AKAP6: variants seen among roughly 807,000 people sequenced by gnomAD.
The protein encoded by AKAP6 is A-kinase anchor protein 6.
A neutral mutation model predicts 188.5 loss-of-function variants in AKAP6; 58 were observed. The observed-to-expected ratio is 0.31, with a 90% CI of 0.25 to 0.38. AKAP6 has a LOEUF of 0.38. Ranked by LOEUF, AKAP6 falls within the 10% of genes least tolerant of loss-of-function variation. The pLI is 1.00. For missense variants in AKAP6, 2,710 were observed against 2,740.0 expected, an observed-to-expected ratio of 0.99 and a Z score of 0.24; for synonymous variants, 989 against 998.6, an observed-to-expected ratio of 0.99 and a Z score of 0.18.
At chr14:32,621,467 A>C (rs183248304) in intron 7 of AKAP6, among the ~76,000 whole-genome samples, 1 of 152,202 alleles carries the variant, frequency 6.6e-6, no homozygotes, top group Admixed American at 6.5e-5. Flanking sequence ...TTTAACTTCC[A>C]TGTGTTTGTA....
intron 8 of AKAP6, among the ~76,000 whole-genome samples, chr14:32,682,253 G>C (rs1889709171): frequency 6.6e-6 from 1 of 152,160 alleles, no homozygotes; most frequent in African/African-American, 2.4e-5. Context: ...CACCTACAAA[G>C]ACATACCACA....
At position 32,352,254 on chromosome 14, in the gene AKAP6, CT is replaced by C. The variant is rs564666869; in HGVS notation, c.-35+22857del. On this transcript the variant is annotated intron_variant, in intron 1 of 13. Transcript: ENST00000280979. ...CTGTGCCTTTCCCAACCTCCCATTTCTTTTTTTTTTTGGTTTTATTTTATTT... is the reference window on the plus strand; with the variant it reads ...CTGTGCCTTTCCCAACCTCCCATTTCTTTTTTTTTTGGTTTTATTTTATTT... 1.3e-3 allele frequency among the ~76,000 whole-genome samples: 182 copies of C among 140,496 alleles called. 1 individual carries two copies. Among genetic ancestry groups the C allele is most frequent in the South Asian group, 3.4e-3 (15 of 4,400 alleles). 92.2% of individuals were successfully genotyped at this position (140,496 alleles called of 152,430 possible).
intron 12 of AKAP6, among the ~76,000 whole-genome samples, chr14:32,819,530 G>A (rs764612986): frequency 2.6e-5 from 4 of 152,268 alleles, no homozygotes; most frequent in Admixed American, 1.3e-4. Flanking sequence ...CTGCCAAGTC[G>A]TGAATCCCTT....
chr14:32,708,134 C>T (rs1890890615), intron 9 of AKAP6, among the ~76,000 whole-genome samples: 1 of 151,796 alleles, frequency 6.6e-6, no homozygotes, highest in Non-Finnish European at 1.5e-5. Context: ...AAATGTGAAA[C>T]CTAAAAATCA....
At chr14:32,726,273 C>A in intron 9 of AKAP6, 1 of 911,492 alleles carries the variant, frequency 1.1e-6, no homozygotes, top group Non-Finnish European at 1.3e-6. Flanking sequence ...TCTCCTCAGT[C>A]TTCTTTTACA....
intron 5 of AKAP6, among the ~76,000 whole-genome samples, chr14:32,583,216 C>G (rs368812432): frequency 6.6e-6 from 1 of 152,146 alleles, no homozygotes; most frequent in Non-Finnish European, 1.5e-5. Context: ...TAGACAGGAC[C>G]CTCAGCTGCA....
Position 32,732,582 on chromosome 14 carries a change from A to C in AKAP6, c.3129A>C (p.Glu1043Asp). The C allele has an allele frequency of 6.2e-7, 1 of 1,613,666 alleles. No homozygotes were observed. Among genetic ancestry groups the C allele is most frequent in the Non-Finnish European group, 8.5e-7 (1 of 1,179,728 alleles). The change falls in exon 10 of 14, where the codon GAA becomes GAC. Residue 1043 changes from glutamate to aspartate, a missense_variant. Physicochemically the swap from Glu to Asp is conservative, Grantham distance 45. Coordinates refer to ENST00000280979, the MANE Select transcript of AKAP6 (RefSeq NM_004274.5). ...TTGAAAAAGTGGATTCAATTAATGA[A>C]AAATGGGAACTGCTTGGGGTATTTG... ...DLLEKVDSIN[E>D]KWELLGKTLG...
intron 9 of AKAP6, among the ~76,000 whole-genome samples, chr14:32,721,789 T>G (rs2030550849): frequency 6.6e-6 from 1 of 152,200 alleles, no homozygotes; most frequent in Non-Finnish European, 1.5e-5. Flanking sequence ...TTCTTTTACC[T>G]GGGATAATGT....
intron 1 of AKAP6, among the ~76,000 whole-genome samples, chr14:32,355,630 C>A (rs979656956): frequency 6.6e-6 from 1 of 152,120 alleles, no homozygotes; most frequent in Non-Finnish European, 1.5e-5. Context: ...TAGACAAGAT[C>A]TAGTGGTGGG....
At position 32,395,527 on chromosome 14, in the gene AKAP6, C is replaced by T. The variant is rs377344214; in HGVS notation, c.-34-37933C>T. ...GGTAGATTAGGTCAACCATAGAACT[C>T]GCCCTTATGCTAGTTTTCCAGTTAC... On this transcript the variant is annotated intron_variant, in intron 1 of 13. Coordinates refer to ENST00000280979, the MANE Select transcript of AKAP6 (RefSeq NM_004274.5). Among the ~76,000 whole-genome samples the T allele has an allele frequency of 9.2e-5, 14 of 152,220 alleles. No homozygotes were observed. The South Asian group carries it at 1.0e-3, about 11-fold the overall frequency.
In AKAP6 at chr14:32,455,228, A is replaced by C. The variant is rs112991737; in HGVS notation, c.324+21411A>C. ...AGCAATCCTTCCACCTTGGCCTCCC[A>C]AAGTGCTGGGATTACAAGTGTGAGC... On this transcript the variant is annotated intron_variant, in intron 2 of 13. Coordinates refer to ENST00000280979, the MANE Select transcript of AKAP6 (RefSeq NM_004274.5). Among the ~76,000 whole-genome samples the C allele has an allele frequency of 6.0e-3, 912 of 152,028 alleles. 6 individuals are homozygous for C. Among genetic ancestry groups the C allele is most frequent in the African/African-American group, 0.021 (874 of 41,462 alleles).
intron 7 of AKAP6, among the ~76,000 whole-genome samples, chr14:32,663,931 A>T (rs1888811736): frequency 6.6e-6 from 1 of 152,122 alleles, no homozygotes; most frequent in Admixed American, 6.6e-5. Flanking sequence ...TTTTGTTGAA[A>T]TGTGTCTGCT....
At chr14:32,468,255 G>A (rs1405731739) in intron 2 of AKAP6, among the ~76,000 whole-genome samples, 1 of 152,164 alleles carries the variant, frequency 6.6e-6, no homozygotes, top group African/African-American at 2.4e-5. Flanking sequence ...TTAATGAAGA[G>A]AAAATTAAAT....
chr14:32,514,473 A>T (rs752933840), intron 2 of AKAP6, among the ~76,000 whole-genome samples: 3 of 152,218 alleles, frequency 2.0e-5, no homozygotes, highest in Non-Finnish European at 4.4e-5. Context: ...GCCAAAGGTC[A>T]TACAATGAGT....
chr14:32,600,587 A>T (rs1289844449), intron 6 of AKAP6, 42 bp from the exon 7 acceptor site: 1 of 1,555,878 alleles, frequency 6.4e-7, no homozygotes, highest in Non-Finnish European at 8.7e-7. Flanking sequence ...GTAAAGATTC[A>T]TTCAGGCCCA....
intron 9 of AKAP6, among the ~76,000 whole-genome samples, chr14:32,714,340 G>T (rs1337973060): frequency 6.6e-6 from 1 of 152,030 alleles, no homozygotes; most frequent in Admixed American, 6.6e-5. Flanking sequence ...TGGAAAAATT[G>T]TGCCAATAGC....
intron 9 of AKAP6, among the ~76,000 whole-genome samples, chr14:32,716,924 A>G (rs1489453501): frequency 6.6e-6 from 1 of 152,140 alleles, no homozygotes; most frequent in Non-Finnish European, 1.5e-5. Flanking sequence ...GGTGTATTTT[A>G]TATCGGGATC....
chr14:32,749,401 C>T (rs2032038569), intron 11 of AKAP6, among the ~76,000 whole-genome samples: 2 of 152,184 alleles, frequency 1.3e-5, no homozygotes. Context: ...ATGTTTCCCT[C>T]ATCGAAAATG....
intron 7 of AKAP6, among the ~76,000 whole-genome samples, chr14:32,604,824 G>C (rs1399829467): frequency 6.6e-6 from 1 of 152,186 alleles, no homozygotes; most frequent in Admixed American, 6.5e-5. Flanking sequence ...TCATTTTCTT[G>C]TTTTATTTAC....
Sources: allele counts gnomAD v4.1 joint callset (sites outside exome capture counted in the v4.1 genomes callset), GRCh38; gene constraint gnomAD v4.1.1; transcripts MANE v1.5; gene names NCBI Gene and HGNC (gene_info 2026-07-23, HGNC 2026-07-21).